WDFY4: variants seen among roughly 807,000 people sequenced by gnomAD.
WDFY4 encodes the protein WD repeat- and FYVE domain-containing protein 4.
In WDFY4, 169 loss-of-function variants were observed where a neutral mutation model predicts 351.9. That is an observed-to-expected ratio of 0.48 (90% CI 0.42 to 0.55). The LOEUF (loss-of-function observed/expected upper bound fraction) is 0.55. Ranked by LOEUF, WDFY4 falls within the 20% of genes least tolerant of loss-of-function variation. The pLI is 0.00. For synonymous variants in WDFY4, 1,622 were observed against 1,574.6 expected (o/e 1.03, Z -0.71); for missense variants, 3,803 against 3,935.6 (o/e 0.97, Z 0.90).
Position 48,968,850 on chromosome 10 carries a change from G to A in WDFY4, c.8585-214G>A, listed in dbSNP as rs528104234. 3.3e-4 allele frequency: 184 copies of A among 556,836 alleles called. 1 individual carries two copies. In the South Asian group the frequency reaches 4.0e-3, roughly 12 times the overall value. The allele number at this position is 556,836 out of a possible 1,614,324, so 34.5% of individuals were successfully genotyped here. ...GTGCCTCCCTGTGACTCCTGCCCCG[G>A]GGCCCGGCTACAGTGGGTGCTGTCC... On this transcript the variant is annotated intron_variant, in intron 55 of 61. Transcript: ENST00000325239.
chr10:48,894,125 A>G (rs1325753802), intron 44 of WDFY4, among the ~76,000 whole-genome samples: 1 of 152,226 alleles, frequency 6.6e-6, no homozygotes, highest in Non-Finnish European at 1.5e-5. Flanking sequence ...TACATAATTT[A>G]GCTTTTCTGA....
chr10:48,848,446 T>C (rs530673476), intron 39 of WDFY4, among the ~76,000 whole-genome samples: 1 of 152,332 alleles, frequency 6.6e-6, no homozygotes, highest in Admixed American at 6.5e-5. Context: ...GCATTGCAGA[T>C]GGACTTAAAC....
At chr10:48,856,021 G>A (rs1309931145) in intron 39 of WDFY4, among the ~76,000 whole-genome samples, 1 of 152,090 alleles carries the variant, frequency 6.6e-6, no homozygotes, top group Non-Finnish European at 1.5e-5. Flanking sequence ...CGTGTCCCCT[G>A]AAGGTAAGGA....
At chr10:48,713,431 G>A (rs1226893966) in intron 2 of WDFY4, among the ~76,000 whole-genome samples, 2 of 152,218 alleles carry the variant, frequency 1.3e-5, no homozygotes, top group Admixed American at 6.5e-5. Context: ...CCCTGTCTTT[G>A]TTTATACTTG....
chr10:48,800,730 C>CTTTCTTTCT (rs1555016198), intron 24 of WDFY4, among the ~76,000 whole-genome samples: 13 of 92,792 alleles, frequency 1.4e-4, no homozygotes, highest in African/African-American at 4.3e-4. Flanking sequence ...TTCATTCTTT[C>CTTTCTTTCT]TTTTTTTTTT....
At chr10:48,787,867 CTTTCTTCTTTCTTTCTTCTTCTTCTCCTT>C (rs2066476359) in intron 20 of WDFY4, among the ~76,000 whole-genome samples, 4 of 105,972 alleles carry the variant, frequency 3.8e-5, no homozygotes, top group African/African-American at 2.0e-4. Flanking sequence ...CTTTCTTCTT[CTTTCTTCTTTCTTTCTTCTTCTTCTCCTT>C]CTTCTTCTTC....
intron 1 of WDFY4, among the ~76,000 whole-genome samples, chr10:48,703,777 G>A (rs1412891051): frequency 6.6e-6 from 1 of 152,222 alleles, no homozygotes; most frequent in Non-Finnish European, 1.5e-5. Context: ...CCCAGCAGTT[G>A]CTTCATGCTC....
intron 12 of WDFY4, among the ~76,000 whole-genome samples, chr10:48,744,550 T>C (rs1405615676): frequency 6.6e-6 from 1 of 152,230 alleles, no homozygotes; most frequent in Non-Finnish European, 1.5e-5. Flanking sequence ...GAGGTTGGCC[T>C]TTCATACTCC....
At chr10:48,696,026 T>G (rs1252699416) in intron 1 of WDFY4, among the ~76,000 whole-genome samples, 1 of 152,088 alleles carries the variant, frequency 6.6e-6, no homozygotes, top group Non-Finnish European at 1.5e-5. Flanking sequence ...CCTAGTTCCT[T>G]CCAATGGGAG....
intron 32 of WDFY4, among the ~76,000 whole-genome samples, chr10:48,818,226 G>A (rs1226304535): frequency 1.3e-5 from 2 of 152,232 alleles, no homozygotes; most frequent in Non-Finnish European, 2.9e-5. Context: ...GTTGCCAACT[G>A]TAGCTAAAGG....
intron 24 of WDFY4, among the ~76,000 whole-genome samples, chr10:48,799,374 G>GTTCA (rs2066979477): frequency 6.8e-6 from 1 of 147,314 alleles, no homozygotes; most frequent in South Asian, 2.1e-4. Context: ...GTCATGTTCT[G>GTTCA]CCTACACCAA....
intron 2 of WDFY4, among the ~76,000 whole-genome samples, chr10:48,715,127 C>T (rs1289385012): frequency 6.6e-6 from 1 of 152,248 alleles, no homozygotes; most frequent in Non-Finnish European, 1.5e-5. Flanking sequence ...TGAGGCTGCA[C>T]TTGCTGCTGA....
Position 48,966,603 on chromosome 10 carries a change from C to T in WDFY4, c.8514C>T (p.Ser2838=), listed in dbSNP as rs140679001. The T allele has an allele frequency of 6.4e-7, 1 of 1,551,854 alleles. No individual in the cohort carries two copies. Among genetic ancestry groups the T allele is most frequent in the Admixed American group, 2.0e-5 (1 of 50,994 alleles). Residue 2838 remains serine (S), a synonymous_variant, in exon 55 of 62, where the codon AGC becomes AGT. Transcript: ENST00000325239. ...LPGKDVSTPV[S]LPGHPQPFFY... is the part of the protein sequence containing the mutation. ...GAAAGGATGTCTCCACCCCCGTGAG[C>T]CTGCCTGGCCACCCACAGCCCTTTT... is the stretch of plus-strand genomic sequence containing the variant.
At chr10:48,852,052 A>T (rs1475489916) in intron 39 of WDFY4, among the ~76,000 whole-genome samples, 1 of 152,264 alleles carries the variant, frequency 6.6e-6, no homozygotes, top group South Asian at 2.1e-4. Flanking sequence ...TGCAGCACTC[A>T]GCTCTGAATC....
rs1010351704 is a variant in WDFY4 at position 48,805,328 on chromosome 10, A to G, written c.4553A>G (p.Asn1518Ser). The stretch of plus-strand genomic sequence containing the variant: ...ATACCCAAGCTCATCTTCCTATTCA[A>G]TGAGCCGAGCCTCATCCCCTCCAAG... The part of the protein sequence containing the change: ...QLIPKLIFLF[N>S]EPSLIPSKIS... The change falls in exon 26 of 62, where the codon AAT (asparagine) becomes AGT (serine). Residue 1518 changes from asparagine (N) to serine (S), a missense_variant. Asn to Ser is a conservative substitution (Grantham distance 46). This residue lies in a region of WDFY4 where 3,054 missense variants were observed against 3,148.6 expected (regional missense o/e 0.97). Coordinates refer to ENST00000325239, the MANE Select transcript of WDFY4 (RefSeq NM_001394531.1). 7.1e-6 allele frequency: 11 copies of G among 1,548,286 alleles called. No homozygotes were observed. The East Asian group carries it at 1.2e-4, about 17-fold the overall frequency.
intron 12 of WDFY4, among the ~76,000 whole-genome samples, chr10:48,754,444 T>G (rs1041998894): frequency 1.3e-5 from 2 of 151,964 alleles, no homozygotes; most frequent in Non-Finnish European, 2.9e-5. Context: ...CCATTCAAAT[T>G]AAAGTTGTAA....
Position 48,982,941 on chromosome 10 carries a change from C to T in WDFY4, c.*366C>T. ...TATTGTCTTTATTTTATTAAAGCAA[C>T]TATGTTTTAAATGCAGAAGGGCTCT... On this transcript the variant is annotated 3_prime_UTR_variant, in exon 62 of 62. Transcript: ENST00000325239. The T allele has an allele frequency of 2.8e-6, 1 of 354,758 alleles. No individual in the cohort carries two copies. Among genetic ancestry groups the T allele is most frequent in the Non-Finnish European group, 5.6e-6 (1 of 179,094 alleles). 22.0% of individuals were successfully genotyped at this position (354,758 alleles called of 1,614,324 possible).
chr10:48,932,473 T>C (rs1840073743), intron 47 of WDFY4: 1 of 152,184 alleles, frequency 6.6e-6, no homozygotes, highest in Non-Finnish European at 1.5e-5. Context: ...GATATAATTA[T>C]CCCTATACTC....
chr10:48,739,633 C>T (rs989610481), intron 11 of WDFY4, among the ~76,000 whole-genome samples: 2 of 152,154 alleles, frequency 1.3e-5, no homozygotes, highest in East Asian at 1.9e-4. Context: ...AAATTAACCC[C>T]ATCCCAAGAA....
Sources: allele counts gnomAD v4.1 joint callset (sites outside exome capture counted in the v4.1 genomes callset), GRCh38; gene constraint gnomAD v4.1.1; regional missense constraint gnomAD v4.1.1; transcripts MANE v1.5; gene names NCBI Gene and HGNC (gene_info 2026-07-23, HGNC 2026-07-21).